Variants in ATXN1 observed in about 807,000 individuals in gnomAD.
The protein encoded by ATXN1 is ataxin-1.
ATXN1 carries 8 observed loss-of-function variants against 56.4 expected under a neutral mutation model. That is an observed-to-expected ratio of 0.14 (90% confidence interval 0.08 to 0.26). The LOEUF is 0.26. Among genes scored for constraint, ATXN1 ranks in the 10% least tolerant of loss-of-function variants. The probability of loss-of-function intolerance (pLI) is 1.00; values close to 1 mark genes in which losing one functional copy is unlikely to be tolerated. For missense variants in ATXN1, 987 were observed against 1,106.5 expected (o/e 0.89, Z 1.53); for synonymous variants, 514 against 494.6 (o/e 1.04, Z -0.52).
At chr6:16,621,636 G>A (rs1195370703) in intron 3 of ATXN1, among the ~76,000 whole-genome samples, 2 of 152,148 alleles carry the variant, frequency 1.3e-5, no homozygotes, top group African/African-American at 4.8e-5. Context: ...CTTGAACCCG[G>A]GAGGCAATGG....
chr6:16,314,701 C>G (rs1259321326), intron 7 of ATXN1, among the ~76,000 whole-genome samples: 1 of 151,904 alleles, frequency 6.6e-6, no homozygotes, highest in Non-Finnish European at 1.5e-5. Flanking sequence ...CTGCAAACTC[C>G]ACCTCCTGGG....
intron 3 of ATXN1, among the ~76,000 whole-genome samples, chr6:16,603,222 G>T (rs1240601925): frequency 6.6e-6 from 1 of 152,190 alleles, no homozygotes; most frequent in Non-Finnish European, 1.5e-5. Context: ...CTAAAGGCAG[G>T]TCTGAGGTTA....
At chr6:16,469,626 T>C (rs894057630) in intron 6 of ATXN1, among the ~76,000 whole-genome samples, 2 of 152,200 alleles carry the variant, frequency 1.3e-5, no homozygotes, top group Middle Eastern at 3.2e-3. Flanking sequence ...AGTGGGTAGA[T>C]GCAAGGCTTC....
At chr6:16,759,070 C>T (rs1760977959) in intron 1 of ATXN1, among the ~76,000 whole-genome samples, 1 of 152,162 alleles carries the variant, frequency 6.6e-6, no homozygotes, top group Non-Finnish European at 1.5e-5. Flanking sequence ...ACTGCAGCCT[C>T]CTAAAAAACC....
intron 5 of ATXN1, among the ~76,000 whole-genome samples, chr6:16,489,121 C>G (rs2113659734): frequency 6.6e-6 from 1 of 152,296 alleles, no homozygotes; most frequent in Non-Finnish European, 1.5e-5. Flanking sequence ...TTATACTCCA[C>G]TGGATTTATT....
chr6:16,312,476 AAAC>A (rs1358195722), intron 7 of ATXN1, among the ~76,000 whole-genome samples: 1 of 152,134 alleles, frequency 6.6e-6, no homozygotes, highest in Non-Finnish European at 1.5e-5. Flanking sequence ...TAATATACAC[AAAC>A]AACAATCATG....
intron 1 of ATXN1, among the ~76,000 whole-genome samples, chr6:16,756,033 G>C (rs1431337780): frequency 1.3e-5 from 2 of 151,866 alleles, no homozygotes; most frequent in Non-Finnish European, 2.9e-5. Flanking sequence ...GGTACATTTG[G>C]GATGGTAGTA....
intron 6 of ATXN1, among the ~76,000 whole-genome samples, chr6:16,344,461 T>C (rs179986): frequency 0.76 from 115,174 of 152,134 alleles, 44,513 homozygotes; most frequent in East Asian, 1. Flanking sequence ...CAGCTGCCAG[T>C]GAGGCTAGAA....
intron 6 of ATXN1, among the ~76,000 whole-genome samples, chr6:16,413,023 T>C (rs547535618): frequency 6.6e-6 from 1 of 152,288 alleles, no homozygotes; most frequent in South Asian, 2.1e-4. Flanking sequence ...TCTCTATCTA[T>C]TCACAAGAAG....
At chr6:16,425,492 C>T (rs1759134618) in intron 6 of ATXN1, among the ~76,000 whole-genome samples, 1 of 152,192 alleles carries the variant, frequency 6.6e-6, no homozygotes, top group Admixed American at 6.5e-5. Context: ...ACCTTGGAGC[C>T]TGCGGATTCT....
chr6:16,344,978 A>G (rs1381748836), intron 6 of ATXN1, among the ~76,000 whole-genome samples: 3 of 152,224 alleles, frequency 2.0e-5, no homozygotes, highest in Admixed American at 6.5e-5. Context: ...GATGCTGCTT[A>G]GAGACTGAAG....
At chr6:16,640,422 G>A (rs1196114378) in intron 3 of ATXN1, among the ~76,000 whole-genome samples, 2 of 152,066 alleles carry the variant, frequency 1.3e-5, no homozygotes, top group African/African-American at 2.4e-5. Flanking sequence ...GGGGGCTCAC[G>A]CCTGTAATCC....
chr6:16,607,994 T>C (rs1349377956), intron 3 of ATXN1, among the ~76,000 whole-genome samples: 1 of 152,192 alleles, frequency 6.6e-6, no homozygotes, highest in African/African-American at 2.4e-5. Context: ...AACATTAAAG[T>C]CTCATGGAGA....
Position 16,327,645 on chromosome 6 carries a change from C to T in ATXN1, c.666G>A (p.Gln222=), listed in dbSNP as rs771672680. The part of the protein sequence containing the change: ...QQQQQQQQQQ[Q]QQQHLSRAPG... ...GAGCCCTGCTGAGGTGCTGCTGCTG[C>T]TGCTGCTGCTGCTGCTGCTGCTGCT... Residue 222 remains glutamine, a synonymous_variant, in exon 7 of 8, where the codon CAG becomes CAA. Coordinates refer to ENST00000436367, the MANE Select transcript of ATXN1 (RefSeq NM_001128164.2). The T allele has an allele frequency of 6.9e-7, 1 of 1,449,172 alleles. No individual in the cohort carries two copies. The highest frequency in any genetic ancestry group is 9.1e-7 in the Non-Finnish European group (1 of 1,095,962). The allele number at this position is 1,449,172 out of a possible 1,614,324, so 89.8% of individuals were successfully genotyped here. A position where few individuals can be genotyped will look rare whatever the true frequency, so the allele number is the denominator to read the frequency against.
At chr6:16,378,877 GTTA>G (rs1016541488) in intron 6 of ATXN1, among the ~76,000 whole-genome samples, 4 of 152,108 alleles carry the variant, frequency 2.6e-5, no homozygotes, top group African/African-American at 9.7e-5. Context: ...GACTTATTAA[GTTA>G]TTATGATGCC....
At position 16,306,385 on chromosome 6, in the gene ATXN1, G is replaced by C. The variant is rs751655913; in HGVS notation, c.2392C>G (p.Leu798Val). ...CAAATCTTAACCTCCTGAGGAATTA[G>C]AGAAGGCTTAGGAAGAGTCAAAGGT... ...EPPLTLPKPS[L>V]IPQEVKICIE... The change falls in exon 8 of 8, where the codon CTA becomes GTA. Residue 798 changes from leucine (L) to valine (V), a missense_variant. This residue lies in a region of ATXN1 where 196 missense variants were observed against 196.7 expected (regional missense o/e 1.00). Transcript: ENST00000436367. This position sits in a 1 kb window ranked among gnomAD's most constrained non-coding sequence, Gnocchi z 5.2. 1.2e-5 allele frequency: 19 copies of C among 1,613,862 alleles called. No individual in the cohort carries two copies. Among genetic ancestry groups the C allele is most frequent in the Non-Finnish European group, 1.5e-5 (18 of 1,179,986 alleles).
chr6:16,484,598 TAGACCCAACGTGTAC>T (rs1760503806), intron 6 of ATXN1, among the ~76,000 whole-genome samples: 1 of 152,180 alleles, frequency 6.6e-6, no homozygotes, highest in South Asian at 2.1e-4. Context: ...TGATTTCCAC[TAGACCCAACGTGTAC>T]AGAATGGAAA....
chr6:16,660,840 T>TG (rs1561797490), intron 2 of ATXN1, among the ~76,000 whole-genome samples: 1 of 146,216 alleles, frequency 6.8e-6, no homozygotes, highest in Non-Finnish European at 1.5e-5. Flanking sequence ...TGGTTTTTTT[T>TG]TTTTTTTTTT....
At chr6:16,388,974 G>C (rs1039255298) in intron 6 of ATXN1, among the ~76,000 whole-genome samples, 2 of 152,174 alleles carry the variant, frequency 1.3e-5, no homozygotes, top group Non-Finnish European at 2.9e-5. Context: ...CCTGACCAAT[G>C]CTGTCTTCAT....
Sources: allele counts gnomAD v4.1 joint callset (sites outside exome capture counted in the v4.1 genomes callset), GRCh38; gene constraint gnomAD v4.1.1; regional missense constraint gnomAD v4.1.1; non-coding constraint Gnocchi (gnomAD v3.1); transcripts MANE v1.5; gene names NCBI Gene and HGNC (gene_info 2026-07-23, HGNC 2026-07-21).